PAPPA: variants seen among roughly 807,000 people sequenced by gnomAD.
PAPPA encodes the protein pappalysin 1.
Under a neutral mutation model 164.0 loss-of-function variants are expected in PAPPA, and 60 were observed. The ratio of observed to expected loss-of-function variants is 0.37; its 90% confidence interval spans 0.30 to 0.45. The LOEUF (loss-of-function observed/expected upper bound fraction) is 0.45. Ranked by LOEUF, PAPPA falls within the 20% of genes least tolerant of loss-of-function variation. The probability of loss-of-function intolerance (pLI) is 1.00; values close to 1 mark genes in which losing one functional copy is unlikely to be tolerated. For missense variants in PAPPA, 1,782 were observed against 2,087.3 expected (o/e 0.85, Z 2.85); for synonymous variants, 875 against 814.1 (o/e 1.07, Z -1.27).
In PAPPA at chr9:116,217,215, G is replaced by GA. The variant is rs1232459870; in HGVS notation, c.1919-2716dup. ...GCAAGTAAAGTAGATGTTTATACAG[G>GA]AAAAAACCTACTGTTTTTCAGTGTC... On this transcript the variant is annotated intron_variant, in intron 4 of 21. Transcript: ENST00000328252. 5.3e-5 allele frequency among the ~76,000 whole-genome samples: 8 copies of GA among 152,206 alleles called. No individual in the cohort carries two copies. The East Asian group carries it at 7.7e-4, about 15-fold the overall frequency.
intron 10 of PAPPA, among the ~76,000 whole-genome samples, chr9:116,329,729 T>C (rs1051525181): frequency 1.3e-5 from 2 of 152,246 alleles, no homozygotes. Flanking sequence ...TTTTGCGATC[T>C]CTCCATGTTG....
rs3789286 is a variant in PAPPA at position 116,208,789 on chromosome 9, C to A, written c.1624+1188C>A. Among the ~76,000 whole-genome samples the A allele has an allele frequency of 6.5e-3, 991 of 152,194 alleles. 31 individuals are homozygous for A. The East Asian group carries it at 0.11, about 16-fold the overall frequency. On this transcript the variant is annotated intron_variant, in intron 3 of 21. Coordinates refer to ENST00000328252, the MANE Select transcript of PAPPA (RefSeq NM_002581.5). ...GACTTAGTTCCCTCCAGACGACTCT[C>A]ATTTCTCAATTGTTTTTTAGAGAAT...
At position 116,352,789 on chromosome 9, in the gene PAPPA, C is replaced by T. The variant is rs746673762; in HGVS notation, c.4048C>T (p.Pro1350Ser). The T allele has an allele frequency of 1.2e-6, 2 of 1,613,844 alleles. No individual in the cohort carries two copies. The highest frequency in any genetic ancestry group is 2.7e-5 in the African/African-American group (2 of 74,912). The change falls in exon 16 of 22, where the codon CCC becomes TCC. Residue 1350 changes from proline to serine, a missense_variant. Coordinates refer to ENST00000328252, the MANE Select transcript of PAPPA (RefSeq NM_002581.5). ...ALCELMCLAP[P>S]PVPNADLQTA... ...GTGTGAGCTCATGTGCCTCGCTCCA[C>T]CCCCTGTGCCCAATGCAGACCTCCA...
At chr9:116,285,890 T>C (rs1845332687) in intron 9 of PAPPA, 1 of 152,224 alleles carries the variant, frequency 6.6e-6, no homozygotes, top group South Asian at 2.1e-4. Flanking sequence ...TGCTGGTCTT[T>C]AGAGTCAGAC....
At chr9:116,298,497 C>T (rs985330415) in intron 9 of PAPPA, among the ~76,000 whole-genome samples, 2 of 152,134 alleles carry the variant, frequency 1.3e-5, no homozygotes, top group Non-Finnish European at 2.9e-5. Context: ...GGGAAGATGG[C>T]GTGGGATGGA....
chr9:116,381,130 T>C (rs1406939687), intron 20 of PAPPA, among the ~76,000 whole-genome samples: 2 of 152,186 alleles, frequency 1.3e-5, no homozygotes, highest in Non-Finnish European at 1.5e-5. Flanking sequence ...GAGAAATCAA[T>C]GGACTAATCT....
chr9:116,346,784 A>G (rs1047043037), intron 14 of PAPPA, among the ~76,000 whole-genome samples: 1 of 152,164 alleles, frequency 6.6e-6, no homozygotes, highest in Non-Finnish European at 1.5e-5. Context: ...TCCTTTTCCC[A>G]GCTGGTTAAC....
Position 116,192,200 on chromosome 9 carries a change from C to T in PAPPA, c.1478+3984C>T, listed in dbSNP as rs80345941. On this transcript the variant is annotated intron_variant, in intron 2 of 21. Transcript: ENST00000328252. Reference sequence around the variant, plus strand: ...GTTGATGCAATCCATAGATAGCCAGCCTCCCAAGGACACAGAGCAGGGTGG... The same window carrying T: ...GTTGATGCAATCCATAGATAGCCAGTCTCCCAAGGACACAGAGCAGGGTGG... Among the ~76,000 whole-genome samples the T allele has an allele frequency of 6.2e-3, 942 of 152,210 alleles. 36 individuals are homozygous for T. The East Asian group carries it at 0.11, about 17-fold the overall frequency.
At chr9:116,209,019 G>T (rs1324206915) in intron 3 of PAPPA, among the ~76,000 whole-genome samples, 1 of 152,138 alleles carries the variant, frequency 6.6e-6, no homozygotes, top group East Asian at 1.9e-4. Context: ...AGCCAGTGAT[G>T]CTGCTACATG....
chr9:116,376,240 C>T (rs1846651850), intron 19 of PAPPA, among the ~76,000 whole-genome samples: 1 of 152,064 alleles, frequency 6.6e-6, no homozygotes, highest in Admixed American at 6.6e-5. Context: ...AGGATAGTCT[C>T]GATCTTTTGA....
intron 1 of PAPPA, among the ~76,000 whole-genome samples, chr9:116,178,854 T>C (rs562696142): frequency 1.3e-5 from 2 of 152,366 alleles, no homozygotes; most frequent in African/African-American, 4.8e-5. Flanking sequence ...TCAGATTTAC[T>C]GGCCTGTAAT....
intron 17 of PAPPA, among the ~76,000 whole-genome samples, chr9:116,356,341 A>G (rs1410829817): frequency 4.0e-5 from 6 of 151,390 alleles, no homozygotes; most frequent in Non-Finnish European, 2.9e-5. Context: ...GGTAATGAAA[A>G]TAGAGCATGT....
chr9:116,232,189 T>C (rs1844607010), intron 6 of PAPPA, among the ~76,000 whole-genome samples: 1 of 152,208 alleles, frequency 6.6e-6, no homozygotes, highest in Admixed American at 6.6e-5. Context: ...ATCTTGGTTC[T>C]ACTTAGCTTA....
rs765670972 is a variant in PAPPA at position 116,347,220 on chromosome 9, C to T, written c.3964+11C>T. The T allele has an allele frequency of 2.0e-5, 32 of 1,592,818 alleles. No homozygotes were observed. The highest frequency in any genetic ancestry group is 4.6e-5 in the South Asian group (4 of 87,684). The stretch of plus-strand genomic sequence containing the variant: ...CTGCACAATTGAAAGGTATCAAGAA[C>T]GCCTTCCCCAGCTCAGCCTTCCTTT... On this transcript the variant is annotated intron_variant, in intron 15 of 21. Transcript: ENST00000328252. The surrounding 1 kb of genome is among the most constrained non-coding windows in gnomAD (Gnocchi z 4.5).
intron 19 of PAPPA, among the ~76,000 whole-genome samples, chr9:116,371,911 A>C (rs892143397): frequency 3.3e-5 from 5 of 152,058 alleles, no homozygotes; most frequent in African/African-American, 1.2e-4. Context: ...CTTATTTGTA[A>C]ATTTATTTGT....
rs560206947 is a variant in PAPPA, at chr9:116,191,216, T to G, written c.1478+3000T>G. Among the ~76,000 whole-genome samples, 3 of 152,276 alleles carry G rather than the reference T, an allele frequency of 2.0e-5. No homozygotes were observed. In the East Asian group the frequency reaches 5.8e-4, roughly 29 times the overall value. On this transcript the variant is annotated intron_variant, in intron 2 of 21. Transcript: ENST00000328252. ...GCAATTACAGGAGGCAGCTTTGAGC[T>G]GAGTAATAGATGATATCATCTCCAG...
At chr9:116,289,292 G>GCATATATATGC (rs1564212306) in intron 9 of PAPPA, among the ~76,000 whole-genome samples, 4 of 23,758 alleles carry the variant, frequency 1.7e-4, no homozygotes, top group East Asian at 1.1e-3. Context: ...CATATAAATA[G>GCATATATATGC]CATATATATA....
chr9:116,231,084 T>TATATAG (rs890518250), intron 6 of PAPPA, among the ~76,000 whole-genome samples: 2 of 152,070 alleles, frequency 1.3e-5, no homozygotes, highest in East Asian at 1.9e-4. Flanking sequence ...TGTATATATA[T>TATATAG]ATAGATATAT....
At chr9:116,155,591 C>G (rs1193842917) in intron 1 of PAPPA, among the ~76,000 whole-genome samples, 1 of 152,166 alleles carries the variant, frequency 6.6e-6, no homozygotes, top group African/African-American at 2.4e-5. Context: ...AGTAGGGGTT[C>G]CCCCTTCACT....
Sources: gnomAD v4.1 joint callset for allele counts (sites outside exome capture counted in the v4.1 genomes callset) on GRCh38, gnomAD v4.1.1 for gene constraint, Gnocchi (gnomAD v3.1) non-coding constraint, MANE v1.5 for transcripts, NCBI Gene and HGNC (gene_info 2026-07-23, HGNC 2026-07-21) for gene names.